The following POU3F1 variants were observed in gnomAD, a reference collection of about 807,000 sequenced individuals.
The protein encoded by POU3F1 is POU class 3 homeobox 1, also known as POU domain, class 3, transcription factor 1.
A neutral mutation model predicts 7.6 loss-of-function variants in POU3F1; 1 was observed. The ratio of observed to expected loss-of-function variants is 0.13; its 90% CI spans 0.05 to 0.62. POU3F1 has a LOEUF of 0.62. POU3F1 is among the 20% of genes least tolerant of loss of function. The pLI is 0.87. For missense variants in POU3F1, 505 were observed against 679.3 expected (o/e 0.74, Z 2.85); for synonymous variants, 354 against 339.0 (o/e 1.04, Z -0.49).
chr1:38,046,672 G>T lies in POU3F1; in HGVS notation c.72C>A (p.His24Gln). Residue 24 changes from histidine (H) to glutamine (Q), a missense_variant, in exon 1 of 1, where the codon CAC becomes CAA. Physicochemically the swap from His to Gln is conservative, Grantham distance 24 (BLOSUM62 0). This residue lies in a region of POU3F1 where 361 missense variants were observed against 382.1 expected (regional missense o/e 0.94). Coordinates refer to ENST00000373012, the MANE Select transcript of POU3F1 (RefSeq NM_002699.4). This position sits in a 1 kb window ranked among gnomAD's most constrained non-coding sequence, Gnocchi z 9.5. Reference sequence around the variant, plus strand: ...CCGCCGCCGCCGCCGCGGCGTCCGGGTGCATAAGCGGCCCGGTGCCCCCGG... The same window carrying T: ...CCGCCGCCGCCGCCGCGGCGTCCGGTTGCATAAGCGGCCCGGTGCCCCCGG... Reference protein sequence around the residue: ...GGAGGTGPLMHPDAAAAAAAA... With the variant: ...GGAGGTGPLMQPDAAAAAAAA... 1.6e-6 allele frequency: 2 copies of T among 1,248,932 alleles called. No individual in the cohort carries two copies. Among genetic ancestry groups the T allele is most frequent in the Non-Finnish European group, 2.0e-6 (2 of 998,874 alleles). The allele number at this position is 1,248,932 out of a possible 1,614,324, so 77.4% of individuals were successfully genotyped here.
chr1:38,045,999 C>A lies in POU3F1; in HGVS notation c.745G>T (p.Ala249Ser). The change falls in exon 1 of 1, where the codon GCG (alanine) becomes TCG (serine). Residue 249 changes from alanine (A) to serine (S), a missense_variant. Transcript: ENST00000373012. This position sits in a 1 kb window ranked among gnomAD's most constrained non-coding sequence, Gnocchi z 9.4. ...TGCTCCAGGTCGTCCGAGCTGGGCG[C>A]ATCCTCGTCCGAGTGCTCGCCCACC... ...SSVGEHSDED[A>S]PSSDDLEQFA... 2 of 1,609,710 alleles carry A rather than the reference C, an allele frequency of 1.2e-6. No homozygotes were observed. Among genetic ancestry groups the A allele is most frequent in the Non-Finnish European group, 1.7e-6 (2 of 1,179,136 alleles).
chr1:38,046,557 C>G lies in POU3F1; in HGVS notation c.187G>C (p.Gly63Arg). Residue 63 changes from glycine to arginine, a missense_variant, in exon 1 of 1, where the codon GGC becomes CGC. Physicochemically the swap from Gly to Arg is moderately radical, Grantham distance 125 (BLOSUM62 -2). This residue lies in a region of POU3F1 where 361 missense variants were observed against 382.1 expected (regional missense o/e 0.94). Transcript: ENST00000373012. This position sits in a 1 kb window ranked among gnomAD's most constrained non-coding sequence, Gnocchi z 9.5. ...GGGTGCGCTAGGCCCACGGGGTGGCCCGCGCCCGCGCCCAGCCACTCGTGG... is the reference window on the plus strand; with the variant it reads ...GGGTGCGCTAGGCCCACGGGGTGGCGCGCGCCCGCGCCCAGCCACTCGTGG... ...MHHEWLGAGA[G>R]HPVGLAHPQW... is the part of the protein sequence containing the mutation. 1 of 1,371,416 alleles carries G rather than the reference C, an allele frequency of 7.3e-7. No homozygotes were observed. Among genetic ancestry groups the G allele is most frequent in the Non-Finnish European group, 9.4e-7 (1 of 1,059,462 alleles). The allele number at this position is 1,371,416 out of a possible 1,614,324, so 85.0% of individuals were successfully genotyped here.
At position 38,045,431 on chromosome 1, in the gene POU3F1, A is replaced by G; in HGVS notation, c.1313T>C (p.Leu438Pro). 1 of 1,439,778 alleles carries G rather than the reference A, an allele frequency of 6.9e-7. No homozygotes were observed. Among genetic ancestry groups the G allele is most frequent in the Non-Finnish European group, 9.0e-7 (1 of 1,106,410 alleles). 89.2% of individuals were successfully genotyped at this position (1,439,778 alleles called of 1,614,324 possible). The change falls in exon 1 of 1, where the codon CTG (leucine) becomes CCG (proline). Residue 438 changes from leucine (L) to proline (P), a missense_variant. Leu to Pro is a moderately conservative substitution (Grantham distance 98). Transcript: ENST00000373012. This position sits in a 1 kb window ranked among gnomAD's most constrained non-coding sequence, Gnocchi z 9.4. ...CAGTGTGTGGTGGTGGTGGTGGTGCAGCGCCGCCGGCGGGGGCGGTGGGGG... is the reference window on the plus strand; with the variant it reads ...CAGTGTGTGGTGGTGGTGGTGGTGCGGCGCCGCCGGCGGGGGCGGTGGGGG... ...SAPPPPPPAALHHHHHHTLPG... is the reference protein window; with the variant it reads ...SAPPPPPPAAPHHHHHHTLPG...
Position 38,046,294 on chromosome 1 carries a change from G to A in POU3F1, c.450C>T (p.Gly150=), listed in dbSNP as rs1646861105. 1 of 1,165,156 alleles carries A rather than the reference G, an allele frequency of 8.6e-7. No individual in the cohort carries two copies. The highest frequency in any genetic ancestry group is 3.2e-5 in the South Asian group (1 of 31,306). 72.2% of individuals were successfully genotyped at this position (1,165,156 alleles called of 1,614,324 possible). ...ACAGCCCGAGCGGCTGGGGCTGGTG[G>A]CCCCCGCTGGCCCCGGGCGAGGGCG... ...AMSPSPGASG[G]HQPQPLGLYA... is the part of the protein sequence containing the mutation. Residue 150 remains glycine, a synonymous_variant, in exon 1 of 1, where the codon GGC becomes GGT. Transcript: ENST00000373012. This position sits in a 1 kb window ranked among gnomAD's most constrained non-coding sequence, Gnocchi z 9.5.
chr1:38,046,076 A>G lies in POU3F1; in HGVS notation c.668T>C (p.Leu223Pro). 7.1e-7 allele frequency: 1 copy of G among 1,418,222 alleles called. No homozygotes were observed. The highest frequency in any genetic ancestry group is 1.4e-5 in the South Asian group (1 of 69,510). 87.9% of individuals were successfully genotyped at this position (1,418,222 alleles called of 1,614,324 possible). ...GTGCAGGTGCGCCGCCGCCGCGTGCAGGCCGCCCGCGTGTGCATGTCCGTG... is the reference window on the plus strand; with the variant it reads ...GTGCAGGTGCGCCGCCGCCGCGTGCGGGCCGCCCGCGTGTGCATGTCCGTG... ...HAHGHAHAGGLHAAAAHLHPG... is the reference protein window; with the variant it reads ...HAHGHAHAGGPHAAAAHLHPG... The change falls in exon 1 of 1, where the codon CTG becomes CCG. Residue 223 changes from leucine (L) to proline (P), a missense_variant. Transcript: ENST00000373012. This position sits in a 1 kb window ranked among gnomAD's most constrained non-coding sequence, Gnocchi z 9.5.
chr1:38,045,374 C>G lies in POU3F1; in HGVS notation c.*14G>C. 1 of 1,179,556 alleles carries G rather than the reference C, an allele frequency of 8.5e-7. No individual in the cohort carries two copies. Among genetic ancestry groups the G allele is most frequent in the Non-Finnish European group, 1.1e-6 (1 of 950,594 alleles). 73.1% of individuals were successfully genotyped at this position (1,179,556 alleles called of 1,614,324 possible). ...GCGCCCTGCAGCGCGCCGGCGGGGG[C>G]CCGGCCCGCGGGGTCACTGCACTGA... On this transcript the variant is annotated 3_prime_UTR_variant, in exon 1 of 1. Coordinates refer to ENST00000373012, the MANE Select transcript of POU3F1 (RefSeq NM_002699.4). The surrounding 1 kb of genome is among the most constrained non-coding windows in gnomAD (Gnocchi z 9.4).
Position 38,046,721 on chromosome 1 carries a change from A to T in POU3F1, c.23T>A (p.Leu8Gln), listed in dbSNP as rs1170458553. Reference protein sequence around the residue: MATTAQYLPRGPGGGAGG... With the variant: MATTAQYQPRGPGGGAGG... ...GGCTCCGCCACCGGGGCCCCGCGGC[A>T]GGTACTGCGCGGTGGTGGCCATGCC... is the stretch of plus-strand genomic sequence containing the variant. The change falls in exon 1 of 1, where the codon CTG becomes CAG. Residue 8 changes from leucine to glutamine, a missense_variant. Physicochemically the swap from Leu to Gln is moderately radical, Grantham distance 113. Around this residue, in one of 5 missense-constraint regions of POU3F1, gnomAD observed 361 missense variants for 382.1 expected, o/e 0.94. Transcript: ENST00000373012. The surrounding 1 kb of genome is among the most constrained non-coding windows in gnomAD (Gnocchi z 9.5). 1 of 1,126,772 alleles carries T rather than the reference A, an allele frequency of 8.9e-7. No individual in the cohort carries two copies. The highest frequency in any genetic ancestry group is 5.2e-5 in the Admixed American group (1 of 19,062). 69.8% of individuals were successfully genotyped at this position (1,126,772 alleles called of 1,614,324 possible).
In POU3F1 at chr1:38,046,213, C is replaced by T; in HGVS notation, c.531G>A (p.Ala177=). Residue 177 remains alanine, a synonymous_variant, in exon 1 of 1, where the codon GCG becomes GCA. Coordinates refer to ENST00000373012, the MANE Select transcript of POU3F1 (RefSeq NM_002699.4). The surrounding 1 kb of genome is among the most constrained non-coding windows in gnomAD (Gnocchi z 9.5). ...CCGGCCCCGCGCCGCCACCGCCCGCCGCCAGCATCCCGGCCAGGCCGCCGC... is the reference window on the plus strand; with the variant it reads ...CCGGCCCCGCGCCGCCACCGCCCGCTGCCAGCATCCCGGCCAGGCCGCCGC... The part of the protein sequence containing the change: ...GGGGGLAGML[A]AGGGGAGPGL... 9 of 1,086,046 alleles carry T rather than the reference C, an allele frequency of 8.3e-6. No homozygotes were observed. The highest frequency in any genetic ancestry group is 1.0e-5 in the Non-Finnish European group (9 of 899,820). The allele number at this position is 1,086,046 out of a possible 1,614,324, so 67.3% of individuals were successfully genotyped here.
rs550416855 is a variant in POU3F1, at chr1:38,044,401, T to G, written c.*987A>C. ...ACAATCTCTCTAACTTTTCCAAGTT[T>G]CGTTTGGTGTGGCCAGGAGGGCAGG... On this transcript the variant is annotated 3_prime_UTR_variant, in exon 1 of 1. Transcript: ENST00000373012. Among the ~76,000 whole-genome samples the G allele has an allele frequency of 2.0e-5, 3 of 152,362 alleles. No homozygotes were observed. In the South Asian group the frequency reaches 6.2e-4, roughly 32 times the overall value.
In POU3F1 at chr1:38,046,776, C is replaced by T. The variant is rs1646866412; in HGVS notation, c.-33G>A. ...CGCGCCCTGCGCCGCGCCGCCGCCG[C>T]CGCTCCGCTCCGTCTGCGGGCCCCG... On this transcript the variant is annotated 5_prime_UTR_variant, in exon 1 of 1. Transcript: ENST00000373012. The surrounding 1 kb of genome is among the most constrained non-coding windows in gnomAD (Gnocchi z 9.5). 2 of 985,012 alleles carry T rather than the reference C, an allele frequency of 2.0e-6. No individual in the cohort carries two copies. The highest frequency in any genetic ancestry group is 1.8e-5 in the African/African-American group (1 of 56,650). The allele number at this position is 985,012 out of a possible 1,614,324, so 61.0% of individuals were successfully genotyped here. A position where few individuals can be genotyped will look rare whatever the true frequency, so the allele number is the denominator to read the frequency against.
Position 38,046,239 on chromosome 1 carries a change from C to T in POU3F1, c.505G>A (p.Gly169Ser). 1.9e-6 allele frequency: 2 copies of T among 1,063,630 alleles called. No individual in the cohort carries two copies. The highest frequency in any genetic ancestry group is 2.3e-6 in the Non-Finnish European group (2 of 885,392). The allele number at this position is 1,063,630 out of a possible 1,614,324, so 65.9% of individuals were successfully genotyped here. Residue 169 changes from glycine to serine, a missense_variant, in exon 1 of 1, where the codon GGC (glycine) becomes AGC (serine). By Grantham distance (56) the Gly-to-Ser change is moderately conservative. Coordinates refer to ENST00000373012, the MANE Select transcript of POU3F1 (RefSeq NM_002699.4). This position sits in a 1 kb window ranked among gnomAD's most constrained non-coding sequence, Gnocchi z 9.5. Reference sequence around the variant, plus strand: ...GCCAGCATCCCGGCCAGGCCGCCGCCGCCGCCCCCCGGGTAGGCCGCCTGC... The same window carrying T: ...GCCAGCATCCCGGCCAGGCCGCCGCTGCCGCCCCCCGGGTAGGCCGCCTGC... ...YAQAAYPGGG[G>S]GGLAGMLAAG...
At position 38,044,723 on chromosome 1, in the gene POU3F1, G is replaced by A. The variant is rs1646848579; in HGVS notation, c.*665C>T. 1 of 152,102 alleles carries A rather than the reference G, an allele frequency of 6.6e-6. No homozygotes were observed. The highest frequency in any genetic ancestry group is 2.1e-4 in the South Asian group (1 of 4,816). The allele number at this position is 152,102 out of a possible 1,614,324, so 9.4% of individuals were successfully genotyped here. The stretch of plus-strand genomic sequence containing the variant: ...TTTTATACACAGACGCGGCTCTCGC[G>A]ACCTCCCCTCCGGGGCCCCGATAAA... On this transcript the variant is annotated 3_prime_UTR_variant, in exon 1 of 1. Transcript: ENST00000373012.
At position 38,045,624 on chromosome 1, in the gene POU3F1, C is replaced by T. The variant is rs747713108; in HGVS notation, c.1120G>A (p.Asp374Asn). 6.2e-7 allele frequency: 1 copy of T among 1,613,210 alleles called. No homozygotes were observed. The highest frequency in any genetic ancestry group is 1.7e-5 in the Admixed American group (1 of 59,948). ...PSAHEITGLADSLQLEKEVVR... is the reference protein window; with the variant it reads ...PSAHEITGLANSLQLEKEVVR... ...ACCTCCTTCTCCAGCTGCAGGCTGTCTGCCAAGCCGGTGATCTCGTGCGCC... is the reference window on the plus strand; with the variant it reads ...ACCTCCTTCTCCAGCTGCAGGCTGTTTGCCAAGCCGGTGATCTCGTGCGCC... Residue 374 changes from aspartate (D) to asparagine (N), a missense_variant, in exon 1 of 1, where the codon GAC becomes AAC. Physicochemically the swap from Asp to Asn is conservative, Grantham distance 23 (BLOSUM62 1). This residue lies in a region of POU3F1 where 24 missense variants were observed against 80.6 expected (regional missense o/e 0.30). Transcript: ENST00000373012. This position sits in a 1 kb window ranked among gnomAD's most constrained non-coding sequence, Gnocchi z 9.4.
chr1:38,045,444 G>A lies in POU3F1; in HGVS notation c.1300C>T (p.Pro434Ser), dbSNP rs987146147. 2 of 1,441,422 alleles carry A rather than the reference G, an allele frequency of 1.4e-6. No individual in the cohort carries two copies. The highest frequency in any genetic ancestry group is 2.8e-5 in the Admixed American group (1 of 35,104). The allele number at this position is 1,441,422 out of a possible 1,614,324, so 89.3% of individuals were successfully genotyped here. ...ASPPSAPPPP[P>S]PAALHHHHHH... ...TGGTGGTGGTGCAGCGCCGCCGGCGGGGGCGGTGGGGGCGCGGAGGGTGGC... is the reference window on the plus strand; with the variant it reads ...TGGTGGTGGTGCAGCGCCGCCGGCGAGGGCGGTGGGGGCGCGGAGGGTGGC... Residue 434 changes from proline (P) to serine (S), a missense_variant, in exon 1 of 1, where the codon CCG becomes TCG. Coordinates refer to ENST00000373012, the MANE Select transcript of POU3F1 (RefSeq NM_002699.4). This position sits in a 1 kb window ranked among gnomAD's most constrained non-coding sequence, Gnocchi z 9.4.
Position 38,045,424 on chromosome 1 carries a change from G to A in POU3F1, c.1320C>T (p.His440=). ...AGCCGGGCAGTGTGTGGTGGTGGTG[G>A]TGGTGCAGCGCCGCCGGCGGGGGCG... The part of the protein sequence containing the change: ...PPPPPPAALH[H]HHHHTLPGSV... Residue 440 remains histidine (H), a synonymous_variant, in exon 1 of 1, where the codon CAC becomes CAT. Coordinates refer to ENST00000373012, the MANE Select transcript of POU3F1 (RefSeq NM_002699.4). The surrounding 1 kb of genome is among the most constrained non-coding windows in gnomAD (Gnocchi z 9.4). 1.4e-6 allele frequency: 2 copies of A among 1,436,196 alleles called. No individual in the cohort carries two copies. Among genetic ancestry groups the A allele is most frequent in the Middle Eastern group, 2.5e-4 (1 of 3,934 alleles). 89.0% of individuals were successfully genotyped at this position (1,436,196 alleles called of 1,614,324 possible).
Position 38,046,237 on chromosome 1 carries a change from G to T in POU3F1, c.507C>A (p.Gly169=). The T allele has an allele frequency of 9.4e-7, 1 of 1,062,120 alleles. No individual in the cohort carries two copies. Among genetic ancestry groups the T allele is most frequent in the Non-Finnish European group, 1.1e-6 (1 of 884,484 alleles). The allele number at this position is 1,062,120 out of a possible 1,614,324, so 65.8% of individuals were successfully genotyped here. ...YAQAAYPGGG[G]GGLAGMLAAG... Reference sequence around the variant, plus strand: ...CCGCCAGCATCCCGGCCAGGCCGCCGCCGCCGCCCCCCGGGTAGGCCGCCT... The same window carrying T: ...CCGCCAGCATCCCGGCCAGGCCGCCTCCGCCGCCCCCCGGGTAGGCCGCCT... Residue 169 remains glycine, a synonymous_variant, in exon 1 of 1, where the codon GGC becomes GGA. Transcript: ENST00000373012. This position sits in a 1 kb window ranked among gnomAD's most constrained non-coding sequence, Gnocchi z 9.5.
At position 38,044,593 on chromosome 1, in the gene POU3F1, T is replaced by C. The variant is rs1390468279; in HGVS notation, c.*795A>G. 1 of 137,116 alleles carries C rather than the reference T, an allele frequency of 7.3e-6. No individual in the cohort carries two copies. The highest frequency in any genetic ancestry group is 2.9e-5 in the African/African-American group (1 of 34,468). The allele number at this position is 137,116 out of a possible 1,614,324, so 8.5% of individuals were successfully genotyped here. ...AAATGAACACTCGAATTTTTTTTGT[T>C]AGTTTTTTTTTTTTTTTTTTGCTTT... On this transcript the variant is annotated 3_prime_UTR_variant, in exon 1 of 1. Transcript: ENST00000373012.
Position 38,045,360 on chromosome 1 carries a change from C to T in POU3F1, c.*28G>A. The T allele has an allele frequency of 4.5e-6, 5 of 1,105,404 alleles. No homozygotes were observed. The highest frequency in any genetic ancestry group is 5.6e-6 in the Non-Finnish European group (5 of 892,992). 68.5% of individuals were successfully genotyped at this position (1,105,404 alleles called of 1,614,324 possible). ...CGGGCTGCGCGCCCGCGCCCTGCAG[C>T]GCGCCGGCGGGGGCCCGGCCCGCGG... On this transcript the variant is annotated 3_prime_UTR_variant, in exon 1 of 1. Transcript: ENST00000373012. This position sits in a 1 kb window ranked among gnomAD's most constrained non-coding sequence, Gnocchi z 9.4.
rs1466424175 is a variant in POU3F1 at position 38,046,612 on chromosome 1, G to A, written c.132C>T (p.Ala44=). Residue 44 remains alanine, a synonymous_variant, in exon 1 of 1, where the codon GCC becomes GCT. Coordinates refer to ENST00000373012, the MANE Select transcript of POU3F1 (RefSeq NM_002699.4). This position sits in a 1 kb window ranked among gnomAD's most constrained non-coding sequence, Gnocchi z 9.5. ...AAAAERLHAG[A]AYREVQKLMH... is the part of the protein sequence containing the mutation. ...TCAGCTTCTGCACTTCGCGGTACGC[G>A]GCCCCTGCATGCAATCGCTCCGCGG... 1 of 1,367,414 alleles carries A rather than the reference G, an allele frequency of 7.3e-7. No individual in the cohort carries two copies. Among genetic ancestry groups the A allele is most frequent in the South Asian group, 1.6e-5 (1 of 64,378 alleles). 84.7% of individuals were successfully genotyped at this position (1,367,414 alleles called of 1,614,324 possible).
Sources: gnomAD v4.1 joint callset for allele counts (sites outside exome capture counted in the v4.1 genomes callset) on GRCh38, gnomAD v4.1.1 for gene constraint, gnomAD v4.1.1 regional missense constraint, Gnocchi (gnomAD v3.1) non-coding constraint, MANE v1.5 for transcripts, NCBI Gene and HGNC (gene_info 2026-07-23, HGNC 2026-07-21) for gene names.